YEATS4: variants seen among roughly 807,000 people sequenced by gnomAD.
YEATS4 encodes YEATS domain-containing protein 4.
YEATS4 carries 17 observed loss-of-function variants against 30.1 expected under a neutral mutation model. The observed-to-expected ratio is 0.56, with a 90% confidence interval of 0.39 to 0.85. YEATS4 has a LOEUF of 0.85. Among genes scored for constraint, YEATS4 ranks in the 40% least tolerant of loss-of-function variants. The probability of loss-of-function intolerance (pLI) is 0.00; values close to 1 mark genes in which losing one functional copy is unlikely to be tolerated. For synonymous variants in YEATS4, 85 were observed against 87.5 expected (o/e 0.97, Z 0.16); for missense variants, 142 against 268.3 (o/e 0.53, Z 3.29).
chr12:69,424,408 A>G, the YEATS4 span, among the ~76,000 whole-genome samples: 10 of 152,260 alleles, frequency 6.6e-5, no homozygotes, highest in Middle Eastern at 3.4e-3. Flanking sequence ...CTTCCCTTCC[A>G]TAGTCTCAGC....
the YEATS4 span, among the ~76,000 whole-genome samples, chr12:69,420,828 A>T: frequency 6.6e-6 from 1 of 152,140 alleles, no homozygotes; most frequent in Admixed American, 6.6e-5. Flanking sequence ...CCCAGCCCCC[A>T]GTGCTCACCA....
chr12:69,407,944 G>A, the YEATS4 span, among the ~76,000 whole-genome samples: 8 of 152,126 alleles, frequency 5.3e-5, no homozygotes, highest in East Asian at 3.9e-4. Context: ...TCGAACTCCC[G>A]ACCTCAGGTG....
chr12:69,375,055 C>T (rs1217606655), intron 6 of YEATS4, among the ~76,000 whole-genome samples: 1 of 151,350 alleles, frequency 6.6e-6, no homozygotes, highest in Non-Finnish European at 1.5e-5. Flanking sequence ...GGCTGCCCCC[C>T]ACCTCCCGGA....
At chr12:69,426,432 G>A in the YEATS4 span, among the ~76,000 whole-genome samples, 1 of 152,050 alleles carries the variant, frequency 6.6e-6, no homozygotes, top group African/African-American at 2.4e-5. Flanking sequence ...GTACAGTGGC[G>A]CCATCTCGGC....
At chr12:69,408,130 G>A in the YEATS4 span, among the ~76,000 whole-genome samples, 2 of 152,190 alleles carry the variant, frequency 1.3e-5, no homozygotes, top group Admixed American at 1.3e-4. Context: ...CTTATGTGGA[G>A]AGGATCTTGA....
chr12:69,362,403 ATACTT>A (rs1592846465), intron 1 of YEATS4, among the ~76,000 whole-genome samples: 1 of 152,226 alleles, frequency 6.6e-6, no homozygotes. Context: ...TATTTATACT[ATACTT>A]TGGGAAACAC....
At chr12:69,387,227 A>G (rs1025005921) in intron 6 of YEATS4, among the ~76,000 whole-genome samples, 3 of 152,232 alleles carry the variant, frequency 2.0e-5, no homozygotes, top group African/African-American at 7.2e-5. Flanking sequence ...CTCAAACATT[A>G]TAAAAAAGAT....
intron 6 of YEATS4, among the ~76,000 whole-genome samples, chr12:69,385,980 C>T (rs1450706100): frequency 6.6e-6 from 1 of 152,140 alleles, no homozygotes; most frequent in Non-Finnish European, 1.5e-5. Flanking sequence ...TGTAAAAAGC[C>T]TGATAGTCTG....
chr12:69,425,645 C>G, the YEATS4 span, among the ~76,000 whole-genome samples: 2 of 152,198 alleles, frequency 1.3e-5, no homozygotes, highest in East Asian at 3.8e-4. Flanking sequence ...GTGGCTTCCC[C>G]ATTGGCTGCC....
At chr12:69,417,464 A>C in the YEATS4 span, among the ~76,000 whole-genome samples, 1 of 152,064 alleles carries the variant, frequency 6.6e-6, no homozygotes, top group Non-Finnish European at 1.5e-5. Flanking sequence ...CTGGCTAGTC[A>C]GGTCTTAAAT....
chr12:69,386,833 G>A (rs1868258181), intron 6 of YEATS4, among the ~76,000 whole-genome samples: 1 of 152,082 alleles, frequency 6.6e-6, no homozygotes, highest in Non-Finnish European at 1.5e-5. Context: ...TAAAACTACA[G>A]ATAGTACCAA....
intron 4 of YEATS4, among the ~76,000 whole-genome samples, chr12:69,369,298 T>C (rs893285079): frequency 6.6e-6 from 1 of 152,202 alleles, no homozygotes; most frequent in African/African-American, 2.4e-5. Flanking sequence ...TTCGTCCTCT[T>C]TCCAAGTTTC....
In YEATS4 at chr12:69,359,983, G is replaced by C. The variant is rs1164056183; in HGVS notation, c.11G>C (p.Arg4Thr). The C allele has an allele frequency of 6.2e-7, 1 of 1,613,496 alleles. No individual in the cohort carries two copies. Among genetic ancestry groups the C allele is most frequent in the African/African-American group, 1.3e-5 (1 of 74,912 alleles). The change falls in exon 1 of 7, where the codon AGA becomes ACA. Residue 4 changes from arginine to threonine, a missense_variant. This residue lies in a region of YEATS4 where 25 missense variants were observed against 35.7 expected (regional missense o/e 0.70). Transcript: ENST00000247843. ...CTTCCGTGGGACAATATGTTCAAGA[G>C]AATGGCCGAATTTGGGCCTGACTCC... Reference protein sequence around the residue: MFKRMAEFGPDSGG... With the variant: MFKTMAEFGPDSGG...
the YEATS4 span, among the ~76,000 whole-genome samples, chr12:69,420,247 T>G: frequency 1.3e-5 from 2 of 152,096 alleles, no homozygotes; most frequent in East Asian, 3.9e-4. Flanking sequence ...GGAAGGACAT[T>G]TGGATGAGAG....
At chr12:69,426,516 G>T in the YEATS4 span, among the ~76,000 whole-genome samples, 2 of 152,058 alleles carry the variant, frequency 1.3e-5, no homozygotes, top group Non-Finnish European at 2.9e-5. Context: ...GATTACAGGT[G>T]CCTGCCACTA....
chr12:69,383,997 A>C (rs186027937), intron 6 of YEATS4, among the ~76,000 whole-genome samples: 1 of 152,344 alleles, frequency 6.6e-6, no homozygotes, highest in Admixed American at 6.5e-5. Context: ...TTTAACAATT[A>C]GTGGTTATAG....
chr12:69,376,160 A>C (rs758436295), intron 6 of YEATS4, among the ~76,000 whole-genome samples: 7 of 152,158 alleles, frequency 4.6e-5, no homozygotes, highest in Non-Finnish European at 8.8e-5. Flanking sequence ...TGAGGTCAGG[A>C]GTTCAAGACC....
At chr12:69,400,068 C>T in the YEATS4 span, among the ~76,000 whole-genome samples, 1 of 152,018 alleles carries the variant, frequency 6.6e-6, no homozygotes, top group East Asian at 1.9e-4. Context: ...GTTACACAAC[C>T]TTGTGAATAT....
chr12:69,366,013 T>C (rs1273267516), intron 4 of YEATS4, 129 bp downstream of exon 4: 1 of 666,732 alleles, frequency 1.5e-6, no homozygotes, highest in African/African-American at 1.9e-5. Context: ...TATCTTGCCA[T>C]GAGTTAAGTT....
Sources: allele counts gnomAD v4.1 joint callset (sites outside exome capture counted in the v4.1 genomes callset), GRCh38; gene constraint gnomAD v4.1.1; regional missense constraint gnomAD v4.1.1; transcripts MANE v1.5; gene names NCBI Gene and HGNC (gene_info 2026-07-23, HGNC 2026-07-21).